Variants in LRRC4C observed in about 807,000 individuals in gnomAD.
LRRC4C encodes leucine-rich repeat-containing protein 4C.
A neutral mutation model predicts 33.6 loss-of-function variants in LRRC4C; 5 were observed. That is an observed-to-expected ratio of 0.15 (90% CI 0.08 to 0.31). The LOEUF (loss-of-function observed/expected upper bound fraction) is 0.31, where lower values mean the gene tolerates loss of function less well. Among genes scored for constraint, LRRC4C ranks in the 10% least tolerant of loss-of-function variants. The probability of loss-of-function intolerance (pLI) is 1.00; values close to 1 mark genes in which losing one functional copy is unlikely to be tolerated. For missense variants in LRRC4C, 560 were observed against 796.7 expected (o/e 0.70, Z 3.58); for synonymous variants, 329 against 302.0 (o/e 1.09, Z -0.93).
chr11:40,290,249 A>ATGC (rs1253249271), intron 4 of LRRC4C, among the ~76,000 whole-genome samples: 1 of 152,236 alleles, frequency 6.6e-6, no homozygotes, highest in African/African-American at 2.4e-5. Flanking sequence ...ATGTCTACAA[A>ATGC]TGCTGACTTA....
At position 40,553,214 on chromosome 11, in the gene LRRC4C, G is replaced by A. The variant is rs189891046; in HGVS notation, c.-270+94928C>T. 7.9e-5 allele frequency among the ~76,000 whole-genome samples: 12 copies of A among 152,296 alleles called. No homozygotes were observed. In the East Asian group the frequency reaches 2.3e-3, roughly 29 times the overall value. On this transcript the variant is annotated intron_variant, in intron 3 of 6. Coordinates refer to ENST00000528697, the MANE Select transcript of LRRC4C (RefSeq NM_001258419.2). ...TTGAACCCAGGAGACGGAGGTGGCAGTGAGCTGATATCGCGCCAGTGCACT... is the reference window on the plus strand; with the variant it reads ...TTGAACCCAGGAGACGGAGGTGGCAATGAGCTGATATCGCGCCAGTGCACT...
intron 3 of LRRC4C, among the ~76,000 whole-genome samples, chr11:40,588,619 T>G (rs1339484693): frequency 6.6e-6 from 1 of 152,008 alleles, no homozygotes; most frequent in Non-Finnish European, 1.5e-5. Context: ...TATTTAGTGC[T>G]ATAAATTTCC....
intron 1 of LRRC4C, among the ~76,000 whole-genome samples, chr11:41,129,639 C>T (rs1942921602): frequency 6.6e-6 from 1 of 151,814 alleles, no homozygotes; most frequent in Admixed American, 6.6e-5. Context: ...TTAATAAAAT[C>T]ACCTTTTCAA....
intron 1 of LRRC4C, among the ~76,000 whole-genome samples, chr11:41,349,754 CCA>C (rs1951914186): frequency 6.6e-6 from 1 of 152,264 alleles, no homozygotes; most frequent in South Asian, 2.1e-4. Flanking sequence ...ACTCTAAATG[CCA>C]CAGTGTCTTC....
intron 1 of LRRC4C, among the ~76,000 whole-genome samples, chr11:41,088,096 C>A (rs930071729): frequency 6.6e-6 from 1 of 152,008 alleles, no homozygotes; most frequent in Non-Finnish European, 1.5e-5. Flanking sequence ...ACAAAATAGA[C>A]CATCTACCCT....
At chr11:40,591,972 T>C (rs1959078489) in intron 3 of LRRC4C, among the ~76,000 whole-genome samples, 1 of 152,226 alleles carries the variant, frequency 6.6e-6, no homozygotes, top group Admixed American at 6.5e-5. Context: ...CTTTGTGTTC[T>C]CTCTATGGAG....
intron 1 of LRRC4C, among the ~76,000 whole-genome samples, chr11:41,218,867 A>G (rs1947179069): frequency 7.0e-6 from 1 of 142,394 alleles, no homozygotes; most frequent in Non-Finnish European, 1.5e-5. Context: ...TCCTGAATTC[A>G]CGCCATTCTC....
At chr11:41,325,256 A>G (rs560793164) in intron 1 of LRRC4C, among the ~76,000 whole-genome samples, 2 of 152,278 alleles carry the variant, frequency 1.3e-5, no homozygotes, top group South Asian at 4.1e-4. Flanking sequence ...CTTGTGAATG[A>G]TTCTTGACAA....
intron 2 of LRRC4C, among the ~76,000 whole-genome samples, chr11:40,880,167 G>A (rs538573697): frequency 1.3e-5 from 2 of 152,058 alleles, no homozygotes; most frequent in Non-Finnish European, 2.9e-5. Flanking sequence ...GACCTGAGAG[G>A]GGGGAAGACT....
intron 5 of LRRC4C, among the ~76,000 whole-genome samples, chr11:40,190,777 G>A (rs551829038): frequency 2.0e-5 from 3 of 152,266 alleles, no homozygotes; most frequent in South Asian, 2.1e-4. Flanking sequence ...TGTCTAGCCT[G>A]AGTCAGAGAA....
intron 3 of LRRC4C, among the ~76,000 whole-genome samples, chr11:40,422,231 C>A: frequency 6.6e-6 from 1 of 152,128 alleles, no homozygotes; most frequent in African/African-American, 2.4e-5. Context: ...TCCAGTAACA[C>A]GGAGGAAAGG....
chr11:40,512,362 A>C (rs1252306354), intron 3 of LRRC4C, among the ~76,000 whole-genome samples: 1 of 151,706 alleles, frequency 6.6e-6, no homozygotes, highest in Non-Finnish European at 1.5e-5. Context: ...CAACACAGTG[A>C]GACTCCATCT....
intron 2 of LRRC4C, among the ~76,000 whole-genome samples, chr11:40,700,237 G>A (rs917469711): frequency 8.5e-5 from 13 of 152,072 alleles, no homozygotes; most frequent in African/African-American, 9.7e-5. Context: ...TTGTTTAAAC[G>A]TGAGACAGTC....
rs1246153805 is a variant in LRRC4C, at chr11:40,494,524, A to G, written c.-270+153618T>C. Among the ~76,000 whole-genome samples the G allele has an allele frequency of 2.0e-5, 3 of 152,140 alleles. No individual in the cohort carries two copies. In the East Asian group the frequency reaches 5.8e-4, roughly 29 times the overall value. On this transcript the variant is annotated intron_variant, in intron 3 of 6. Coordinates refer to ENST00000528697, the MANE Select transcript of LRRC4C (RefSeq NM_001258419.2). ...TTAGGGACCTTGAATAAATTATCTC[A>G]TTTATGCAATGGTATTATAGTTTCC...
chr11:41,435,790 CTATA>C (rs1955405315), intron 1 of LRRC4C, among the ~76,000 whole-genome samples: 1 of 152,118 alleles, frequency 6.6e-6, no homozygotes, highest in African/African-American at 2.4e-5. Context: ...AAATAGTGTT[CTATA>C]TTCAAGTACA....
intron 2 of LRRC4C, among the ~76,000 whole-genome samples, chr11:40,749,013 G>A (rs1948561117): frequency 6.6e-6 from 1 of 152,080 alleles, no homozygotes; most frequent in Non-Finnish European, 1.5e-5. Flanking sequence ...AAGAGAGAGA[G>A]AGAGCGACTG....
At chr11:40,667,429 G>A (rs1252371061) in intron 2 of LRRC4C, among the ~76,000 whole-genome samples, 1 of 152,056 alleles carries the variant, frequency 6.6e-6, no homozygotes. Context: ...CTCCCAATGC[G>A]ACAAATCCTT....
At chr11:40,715,456 T>A (rs1423766225) in intron 2 of LRRC4C, among the ~76,000 whole-genome samples, 1 of 152,194 alleles carries the variant, frequency 6.6e-6, no homozygotes. Flanking sequence ...TGAAAAATAG[T>A]ACCACTGTAT....
At chr11:40,951,323 A>G (rs1393164661) in intron 1 of LRRC4C, among the ~76,000 whole-genome samples, 2 of 152,060 alleles carry the variant, frequency 1.3e-5, no homozygotes, top group East Asian at 1.9e-4. Flanking sequence ...AAATGAGACA[A>G]TTGAGTTCAA....
Sources: gnomAD v4.1 joint callset for allele counts (sites outside exome capture counted in the v4.1 genomes callset) on GRCh38, gnomAD v4.1.1 for gene constraint, MANE v1.5 for transcripts, NCBI Gene and HGNC (gene_info 2026-07-23, HGNC 2026-07-21) for gene names.